Variants in MMD observed in about 807,000 individuals in gnomAD.
The protein encoded by MMD is monocyte to macrophage differentiation associated, also known as monocyte to macrophage differentiation factor.
MMD carries 22 observed loss-of-function variants against 33.6 expected under a neutral mutation model. The ratio of observed to expected loss-of-function variants is 0.66; its 90% confidence interval spans 0.47 to 0.94. The LOEUF (loss-of-function observed/expected upper bound fraction) is 0.94, where lower values mean the gene tolerates loss of function less well. Ranked by LOEUF, MMD falls within the 40% of genes least tolerant of loss-of-function variation. The probability of loss-of-function intolerance (pLI) is 0.00; values close to 1 mark genes in which losing one functional copy is unlikely to be tolerated. For missense variants in MMD, 242 were observed against 309.8 expected (o/e 0.78, Z 1.64); for synonymous variants, 97 against 103.2 (o/e 0.94, Z 0.36).
At chr17:55,421,610 G>C (rs1207251655) in intron 1 of MMD, 60 bp downstream of exon 1, 1 of 1,584,756 alleles carries the variant, frequency 6.3e-7, no homozygotes, top group Non-Finnish European at 8.6e-7. Flanking sequence ...GCGCTTAACG[G>C]CGGGATTTGG....
chr17:55,398,310 C>T (rs1407204003), intron 6 of MMD, among the ~76,000 whole-genome samples: 1 of 151,450 alleles, frequency 6.6e-6, no homozygotes, highest in African/African-American at 2.4e-5. Flanking sequence ...TAAATCCCTC[C>T]AATAATTTTT....
chr17:55,407,866 T>A, intron 3 of MMD, 46 bp from the exon 4 acceptor site: 1 of 1,392,744 alleles, frequency 7.2e-7, no homozygotes, highest in Non-Finnish European at 9.8e-7. Context: ...AGTGTTCAGA[T>A]GGGAAGTACG....
At chr17:55,398,969 GACA>G (rs1274820710) in intron 6 of MMD, among the ~76,000 whole-genome samples, 3 of 152,166 alleles carry the variant, frequency 2.0e-5, no homozygotes, top group Non-Finnish European at 4.4e-5. Context: ...TTGATATCTG[GACA>G]ACGACTCACG....
chr17:55,416,696 T>G (rs1473989708), intron 1 of MMD, among the ~76,000 whole-genome samples: 1 of 152,162 alleles, frequency 6.6e-6, no homozygotes, highest in Non-Finnish European at 1.5e-5. Flanking sequence ...ACTCCCACAC[T>G]CTGGCCTTCA....
chr17:55,405,136 C>T (rs1208748419), intron 4 of MMD, among the ~76,000 whole-genome samples: 2 of 151,846 alleles, frequency 1.3e-5, no homozygotes, highest in Non-Finnish European at 1.5e-5. Flanking sequence ...AGGAAGCTGA[C>T]ATGGGTGGAT....
chr17:55,394,704 A>G (rs577283583), intron 6 of MMD, among the ~76,000 whole-genome samples, 170 bp from the exon 7 acceptor site: 8 of 152,368 alleles, frequency 5.3e-5, no homozygotes, highest in Middle Eastern at 3.4e-3. Context: ...TCTCTTATAC[A>G]TCGACCTGGA....
At chr17:55,404,487 C>G (rs1003758425) in intron 4 of MMD, 1 of 985,290 alleles carries the variant, frequency 1.0e-6, no homozygotes, top group Non-Finnish European at 1.2e-6. Context: ...AAACTGCTTG[C>G]CCTTTAATTT....
intron 4 of MMD, among the ~76,000 whole-genome samples, chr17:55,406,044 C>T (rs1907529685): frequency 6.6e-6 from 1 of 152,192 alleles, no homozygotes. Flanking sequence ...AAATGATAAA[C>T]ACACTTGCTA....
intron 1 of MMD, among the ~76,000 whole-genome samples, chr17:55,415,538 C>T (rs950270389): frequency 6.6e-6 from 1 of 152,150 alleles, no homozygotes; most frequent in Non-Finnish European, 1.5e-5. Context: ...CAAAAATTGG[C>T]TAAAACGCAT....
chr17:55,395,564 A>G (rs538231203), intron 6 of MMD, among the ~76,000 whole-genome samples: 1 of 152,332 alleles, frequency 6.6e-6, no homozygotes, highest in South Asian at 2.1e-4. Flanking sequence ...CAAGGCAACA[A>G]TAGACCATCA....
In MMD at chr17:55,394,147, CTTATT is replaced by C; in HGVS notation, c.*182_*186del. ...ATGGAATGAATAATTAATTCACTAC[CTTATT>C]TATTTGCTGTGAGGCAGAAAATTCC... On this transcript the variant is annotated 3_prime_UTR_variant, in exon 7 of 7. Coordinates refer to ENST00000262065, the MANE Select transcript of MMD (RefSeq NM_012329.3). 2.4e-6 allele frequency: 1 copy of C among 419,012 alleles called. No individual in the cohort carries two copies. The allele number at this position is 419,012 out of a possible 1,614,324, so 26.0% of individuals were successfully genotyped here. A position where few individuals can be genotyped will look rare whatever the true frequency, so the allele number is the denominator to read the frequency against.
At chr17:55,401,962 G>A (rs1907347947) in intron 5 of MMD, among the ~76,000 whole-genome samples, 1 of 151,088 alleles carries the variant, frequency 6.6e-6, no homozygotes. Context: ...CCAGCTACTC[G>A]GGGAGATGAG....
Position 55,411,139 on chromosome 17 carries a change from A to C in MMD, c.269+118T>G, listed in dbSNP as rs1598433851. 6.7e-6 allele frequency: 8 copies of C among 1,189,020 alleles called. No individual in the cohort carries two copies. In the East Asian group the frequency reaches 1.9e-4, roughly 29 times the overall value. 73.7% of individuals were successfully genotyped at this position (1,189,020 alleles called of 1,614,324 possible). ...ATAATGGGATAGTATTCTAGTCTAC[A>C]AGGCAGAAAAATGTCTACTCTTTGC... On this transcript the variant is annotated intron_variant, in intron 3 of 6. Coordinates refer to ENST00000262065, the MANE Select transcript of MMD (RefSeq NM_012329.3).
rs1000054124 is a variant in MMD, at chr17:55,401,517, A to G, written c.468T>C (p.Phe156=). The change falls in exon 6 of 7, where the codon TTT becomes TTC. Residue 156 remains phenylalanine, a synonymous_variant. Coordinates refer to ENST00000262065, the MANE Select transcript of MMD (RefSeq NM_012329.3). ...YHEKYKVVEL[F]FYLTMGFSPA... is the part of the protein sequence containing the mutation. ...GAGAGAATCCCATTGTGAGATAGAA[A>G]AAGAGTTCAACCACCTTATATCTGC... The G allele has an allele frequency of 8.1e-6, 13 of 1,612,328 alleles. No individual in the cohort carries two copies. In the African/African-American group the frequency reaches 1.3e-4, roughly 17 times the overall value.
At chr17:55,408,740 G>A (rs1018133015) in intron 3 of MMD, among the ~76,000 whole-genome samples, 4 of 152,166 alleles carry the variant, frequency 2.6e-5, no homozygotes, top group Admixed American at 6.5e-5. Context: ...GTGGCTCACA[G>A]CAATAATCAC....
intron 2 of MMD, among the ~76,000 whole-genome samples, chr17:55,413,309 A>C (rs1907834187): frequency 6.6e-6 from 1 of 152,102 alleles, no homozygotes; most frequent in Non-Finnish European, 1.5e-5. Context: ...CCCAGCCACT[A>C]TTTTTCCCTC....
At chr17:55,403,956 T>C (rs1344116759) in intron 4 of MMD, 88 bp from the exon 5 acceptor site, 2 of 1,060,852 alleles carry the variant, frequency 1.9e-6, no homozygotes, top group African/African-American at 3.2e-5. Context: ...GAGAAAGTCT[T>C]AGGATAAGAG....
At chr17:55,414,698 C>G (rs1000772831) in intron 1 of MMD, among the ~76,000 whole-genome samples, 1 of 152,060 alleles carries the variant, frequency 6.6e-6, no homozygotes, top group Non-Finnish European at 1.5e-5. Flanking sequence ...TATTTTCTCT[C>G]TTAAAATTTA....
intron 1 of MMD, among the ~76,000 whole-genome samples, chr17:55,416,712 T>C (rs1237195505): frequency 6.6e-6 from 1 of 151,992 alleles, no homozygotes; most frequent in African/African-American, 2.4e-5. Context: ...CTTCATCTCT[T>C]CCCCGAAAAA....
Sources: gnomAD v4.1 joint callset for allele counts (sites outside exome capture counted in the v4.1 genomes callset) on GRCh38, gnomAD v4.1.1 for gene constraint, MANE v1.5 for transcripts, NCBI Gene and HGNC (gene_info 2026-07-23, HGNC 2026-07-21) for gene names.